EPHA3: variants seen among roughly 807,000 people sequenced by gnomAD.
EPHA3 encodes EPH receptor A3.
In EPHA3, 42 loss-of-function variants were observed where a neutral mutation model predicts 107.1. The ratio of observed to expected loss-of-function variants is 0.39; its 90% CI spans 0.31 to 0.51. EPHA3 has a LOEUF of 0.51. EPHA3 is among the 20% of genes least tolerant of loss of function. The pLI, the probability that EPHA3 is intolerant of heterozygous loss-of-function variation, is 0.78. For synonymous variants in EPHA3, 461 were observed against 424.8 expected (o/e 1.09, Z -1.05); for missense variants, 1,183 against 1,211.2 (o/e 0.98, Z 0.35).
At chr3:89,373,546 T>G (rs764441135) in intron 5 of EPHA3, among the ~76,000 whole-genome samples, 1 of 151,854 alleles carries the variant, frequency 6.6e-6, no homozygotes, top group Non-Finnish European at 1.5e-5. Flanking sequence ...AAAAGATTTC[T>G]GTGTAAGCCC....
intron 3 of EPHA3, among the ~76,000 whole-genome samples, chr3:89,304,259 C>T (rs189213475): frequency 1.1e-3 from 168 of 152,180 alleles, no homozygotes; most frequent in African/African-American, 3.3e-3. Flanking sequence ...ATTTCAGCCT[C>T]GATTTCAGCC....
intron 2 of EPHA3, among the ~76,000 whole-genome samples, chr3:89,173,385 A>G (rs1255580286): frequency 2.0e-5 from 3 of 152,110 alleles, no homozygotes; most frequent in Non-Finnish European, 2.9e-5. Context: ...TCAGTGGTAT[A>G]GTACTTTTAA....
At chr3:89,425,830 A>G (rs1456846489) in intron 11 of EPHA3, among the ~76,000 whole-genome samples, 1 of 151,684 alleles carries the variant, frequency 6.6e-6, no homozygotes, top group Non-Finnish European at 1.5e-5. Flanking sequence ...ATTCTTAGAC[A>G]TTTTGAATCA....
Position 89,121,383 on chromosome 3 carries a change from A to G in EPHA3, c.89-5826A>G, listed in dbSNP as rs150278685. On this transcript the variant is annotated intron_variant, in intron 1 of 16. Transcript: ENST00000336596. The stretch of plus-strand genomic sequence containing the variant: ...TTACAGGAACTTTTATCTGCACACA[A>G]TTGACACATAATAGTTGACTTCGTT... Among the ~76,000 whole-genome samples the G allele has an allele frequency of 7.5e-3, 1,150 of 152,350 alleles. 18 individuals are homozygous for G. Among genetic ancestry groups the G allele is most frequent in the African/African-American group, 0.026 (1,082 of 41,568 alleles).
chr3:89,315,538 T>G (rs541265959), intron 3 of EPHA3, among the ~76,000 whole-genome samples: 3 of 151,762 alleles, frequency 2.0e-5, no homozygotes, highest in Admixed American at 6.6e-5. Context: ...TAGGAGAATC[T>G]TCCCTAAAGC....
chr3:89,215,941 AT>A (rs1704214667), intron 3 of EPHA3, among the ~76,000 whole-genome samples: 1 of 151,914 alleles, frequency 6.6e-6, no homozygotes, highest in Non-Finnish European at 1.5e-5. Flanking sequence ...ACTCACAGGC[AT>A]TCCTTATCAA....
intron 1 of EPHA3, among the ~76,000 whole-genome samples, chr3:89,121,047 G>A (rs1044541336): frequency 6.6e-6 from 1 of 151,860 alleles, no homozygotes; most frequent in African/African-American, 2.4e-5. Flanking sequence ...AGACCATCCT[G>A]ACTAACGCGG....
At chr3:89,179,860 A>G (rs1385779595) in intron 2 of EPHA3, among the ~76,000 whole-genome samples, 1 of 151,128 alleles carries the variant, frequency 6.6e-6, no homozygotes, top group Non-Finnish European at 1.5e-5. Flanking sequence ...AAACCCTCTC[A>G]TGTGTATAGT....
At chr3:89,454,487 T>G (rs1710058993) in intron 15 of EPHA3, among the ~76,000 whole-genome samples, 1 of 152,130 alleles carries the variant, frequency 6.6e-6, no homozygotes, top group South Asian at 2.1e-4. Flanking sequence ...GAAAACACTC[T>G]CCTCATGGCT....
In EPHA3 at chr3:89,265,507, G is replaced by T. The variant is rs180813851; in HGVS notation, c.814+54987G>T. Among the ~76,000 whole-genome samples the T allele has an allele frequency of 3.6e-4, 55 of 151,874 alleles. 1 individual carries two copies. The highest frequency in any genetic ancestry group is 1.0e-3 in the South Asian group (5 of 4,800). On this transcript the variant is annotated intron_variant, in intron 3 of 16. Coordinates refer to ENST00000336596, the MANE Select transcript of EPHA3 (RefSeq NM_005233.6). ...CACCATTATTTTATAAAATAATTTT[G>T]GCAAAATATGTAATGCAAAATGTGA...
chr3:89,322,789 A>G (rs182192574), intron 3 of EPHA3, among the ~76,000 whole-genome samples: 1 of 152,118 alleles, frequency 6.6e-6, no homozygotes, highest in African/African-American at 2.4e-5. Context: ...ATTTCAGAGC[A>G]TGGTAAACGT....
chr3:89,458,991 A>T (rs1282004732), intron 15 of EPHA3, among the ~76,000 whole-genome samples: 3 of 152,116 alleles, frequency 2.0e-5, no homozygotes, highest in Middle Eastern at 6.3e-3. Context: ...GAACGCATGG[A>T]CTCAGGGAGA....
In EPHA3 at chr3:89,447,531, G is replaced by A. The variant is rs139980093; in HGVS notation, c.2347-1694G>A. ...CCAATCTTATCACTCTCCTAGCCAG[G>A]ATAAAGTTTCCCAAGTGCATCTGTG... On this transcript the variant is annotated intron_variant, in intron 13 of 16. Transcript: ENST00000336596. 3.3e-3 allele frequency among the ~76,000 whole-genome samples: 504 copies of A among 152,190 alleles called. 3 individuals carry two copies. The highest frequency in any genetic ancestry group is 0.027 in the Middle Eastern group (8 of 294).
chr3:89,120,386 G>A (rs1707350907), intron 1 of EPHA3, among the ~76,000 whole-genome samples: 1 of 152,150 alleles, frequency 6.6e-6, no homozygotes, highest in Non-Finnish European at 1.5e-5. Context: ...GAAACAAAGA[G>A]CTGTTATTTA....
intron 10 of EPHA3, among the ~76,000 whole-genome samples, chr3:89,413,778 A>T (rs1709198175): frequency 6.6e-6 from 1 of 151,760 alleles, no homozygotes; most frequent in African/African-American, 2.4e-5. Context: ...GAATAGTCTT[A>T]TGTGTTAAAG....
intron 3 of EPHA3, among the ~76,000 whole-genome samples, chr3:89,296,762 A>C (rs931760859): frequency 9.9e-5 from 15 of 152,210 alleles, no homozygotes; most frequent in Admixed American, 6.5e-4. Flanking sequence ...TGAAAGTCTC[A>C]GATGGTATTT....
intron 15 of EPHA3, among the ~76,000 whole-genome samples, chr3:89,454,890 A>T (rs1411144066): frequency 1.3e-5 from 2 of 152,070 alleles, no homozygotes; most frequent in Non-Finnish European, 2.9e-5. Context: ...GCTACTCAGG[A>T]GGCTGTAGCA....
intron 8 of EPHA3, 113 bp downstream of exon 8, chr3:89,407,484 T>A: frequency 1.2e-6 from 1 of 802,864 alleles, no homozygotes; most frequent in Non-Finnish European, 2.0e-6. Flanking sequence ...CAAATAAGAA[T>A]GTCTCCACTT....
intron 3 of EPHA3, among the ~76,000 whole-genome samples, chr3:89,325,703 A>G (rs1477317568): frequency 6.6e-6 from 1 of 152,132 alleles, no homozygotes; most frequent in Non-Finnish European, 1.5e-5. Flanking sequence ...TGAATACTGT[A>G]GTACTTTGTA....
Sources: allele counts gnomAD v4.1 joint callset (sites outside exome capture counted in the v4.1 genomes callset), GRCh38; gene constraint gnomAD v4.1.1; transcripts MANE v1.5; gene names NCBI Gene and HGNC (gene_info 2026-07-23, HGNC 2026-07-21).